Variants in TEAD4 observed in about 807,000 individuals in gnomAD.
TEAD4 encodes the protein transcriptional enhancer factor TEF-3.
Under a neutral mutation model 52.4 loss-of-function variants are expected in TEAD4, and 36 were observed. The observed-to-expected ratio is 0.69, with a 90% CI of 0.53 to 0.91. The LOEUF is 0.91. Among genes scored for constraint, TEAD4 ranks in the 40% least tolerant of loss-of-function variants. The probability of loss-of-function intolerance (pLI) is 0.00; values close to 1 mark genes in which losing one functional copy is unlikely to be tolerated. For missense variants in TEAD4, 508 were observed against 583.9 expected (o/e 0.87, Z 1.34); for synonymous variants, 220 against 231.0 (o/e 0.95, Z 0.43).
At chr12:2,999,436 C>G (rs541237896) in intron 3 of TEAD4, among the ~76,000 whole-genome samples, 1 of 152,198 alleles carries the variant, frequency 6.6e-6, no homozygotes, top group African/African-American at 2.4e-5. Context: ...AGGCCTGCTC[C>G]GAGCTCCGCC....
chr12:2,971,840 T>G (rs1187932197), intron 2 of TEAD4, among the ~76,000 whole-genome samples: 1 of 143,408 alleles, frequency 7.0e-6, no homozygotes, highest in African/African-American at 2.6e-5. Flanking sequence ...TGAGGTGAAG[T>G]TTCACTCTAT....
chr12:3,017,889 G>A (rs1333799410), intron 6 of TEAD4, among the ~76,000 whole-genome samples: 1 of 152,194 alleles, frequency 6.6e-6, no homozygotes, highest in Non-Finnish European at 1.5e-5. Context: ...GGCAGCTCGT[G>A]CCACGCAGCC....
At chr12:2,962,949 C>T (rs1336628295) in intron 2 of TEAD4, among the ~76,000 whole-genome samples, 4 of 152,208 alleles carry the variant, frequency 2.6e-5, no homozygotes, top group East Asian at 3.9e-4. Flanking sequence ...CCGCCTTCAT[C>T]CAACAGGCGC....
chr12:3,027,062 G>A (rs963425493), intron 10 of TEAD4, among the ~76,000 whole-genome samples: 3 of 151,710 alleles, frequency 2.0e-5, no homozygotes, highest in African/African-American at 4.9e-5. Flanking sequence ...GTGTGATCTC[G>A]GCTCACTGCA....
At chr12:2,963,630 C>A (rs2098217728) in intron 2 of TEAD4, among the ~76,000 whole-genome samples, 1 of 152,214 alleles carries the variant, frequency 6.6e-6, no homozygotes, top group South Asian at 2.1e-4. Context: ...TGCCTGGACG[C>A]TTTCTGAGAT....
intron 10 of TEAD4, among the ~76,000 whole-genome samples, chr12:3,030,186 G>A (rs115750321): frequency 0.018 from 2,711 of 152,192 alleles, 82 homozygotes; most frequent in African/African-American, 0.061. Flanking sequence ...AAGTTTTTTT[G>A]TTTGTTGGTG....
At chr12:2,968,182 G>A (rs895550788) in intron 2 of TEAD4, among the ~76,000 whole-genome samples, 1 of 150,138 alleles carries the variant, frequency 6.7e-6, no homozygotes, top group African/African-American at 2.4e-5. Flanking sequence ...CACCTTCCGG[G>A]TTCAAGCGAT....
At chr12:2,987,643 C>T (rs1380683317) in intron 2 of TEAD4, among the ~76,000 whole-genome samples, 20 of 151,506 alleles carry the variant, frequency 1.3e-4, no homozygotes, top group Admixed American at 6.6e-5. Context: ...ACCGTGGTCT[C>T]GATCTCCTGA....
intron 10 of TEAD4, among the ~76,000 whole-genome samples, chr12:3,023,801 A>AAAG (rs1228907371): frequency 3.3e-5 from 5 of 151,266 alleles, no homozygotes; most frequent in Non-Finnish European, 7.4e-5. Flanking sequence ...AAAAAAAAAA[A>AAAG]AAAAAGTGAA....
intron 2 of TEAD4, among the ~76,000 whole-genome samples, chr12:2,976,518 C>T (rs1244559106): frequency 6.6e-6 from 1 of 152,192 alleles, no homozygotes; most frequent in African/African-American, 2.4e-5. Context: ...GGGCGCTGTT[C>T]TGGAACTAAA....
intron 3 of TEAD4, among the ~76,000 whole-genome samples, chr12:3,008,827 T>C (rs1231030484): frequency 6.6e-6 from 1 of 152,142 alleles, no homozygotes; most frequent in East Asian, 1.9e-4. Context: ...ATATCCTGTG[T>C]GCAAGGGACG....
intron 6 of TEAD4, among the ~76,000 whole-genome samples, chr12:3,017,921 G>A (rs564980941): frequency 1.3e-5 from 2 of 152,298 alleles, no homozygotes; most frequent in East Asian, 3.9e-4. Context: ...CTCCTGCCAG[G>A]TGGAGAGCTG....
chr12:3,013,601 GCACA>G (rs2098262121), intron 5 of TEAD4, among the ~76,000 whole-genome samples: 1 of 152,176 alleles, frequency 6.6e-6, no homozygotes, highest in Non-Finnish European at 1.5e-5. Flanking sequence ...AGGTGTGGTG[GCACA>G]CAGCTGTAAT....
chr12:2,988,143 A>T (rs1237858207), intron 2 of TEAD4, among the ~76,000 whole-genome samples: 1 of 152,156 alleles, frequency 6.6e-6, no homozygotes, highest in Middle Eastern at 3.2e-3. Context: ...GGACAGATTC[A>T]ACATCTTCAT....
intron 2 of TEAD4, among the ~76,000 whole-genome samples, chr12:2,987,238 C>A (rs988910011): frequency 5.9e-5 from 9 of 152,040 alleles, no homozygotes; most frequent in African/African-American, 1.7e-4. Flanking sequence ...CCCAAGGAGT[C>A]TGTTTAGGGT....
At chr12:2,962,339 T>A (rs1259438327) in intron 2 of TEAD4, among the ~76,000 whole-genome samples, 3 of 112,820 alleles carry the variant, frequency 2.7e-5, no homozygotes, top group African/African-American at 6.7e-5. Flanking sequence ...TATAAATATA[T>A]ATATATATTT....
intron 3 of TEAD4, among the ~76,000 whole-genome samples, chr12:3,009,763 G>A (rs995260978): frequency 6.6e-6 from 1 of 152,238 alleles, no homozygotes; most frequent in African/African-American, 2.4e-5. Flanking sequence ...CCCAGACTCC[G>A]ATTCTCCCCC....
chr12:3,035,087 C>A (rs1265568053), intron 10 of TEAD4, among the ~76,000 whole-genome samples: 1 of 149,704 alleles, frequency 6.7e-6, no homozygotes, highest in Non-Finnish European at 1.5e-5. Flanking sequence ...GGCGACAGAG[C>A]GAGATTCCGT....
chr12:3,028,416 C>T (rs12303337), intron 10 of TEAD4, among the ~76,000 whole-genome samples: 16,221 of 152,220 alleles, frequency 0.11, 979 homozygotes, highest in Non-Finnish European at 0.12. Context: ...CTGTTCCCAC[C>T]TGCAGGGTAT....
Sources: allele counts gnomAD v4.1 joint callset (sites outside exome capture counted in the v4.1 genomes callset), GRCh38; gene constraint gnomAD v4.1.1; transcripts MANE v1.5; gene names NCBI Gene and HGNC (gene_info 2026-07-23, HGNC 2026-07-21).